HLCS: variants seen among roughly 807,000 people sequenced by gnomAD.
HLCS encodes the protein holocarboxylase synthetase.
HLCS carries 53 observed loss-of-function variants against 75.0 expected under a neutral mutation model. The observed-to-expected ratio is 0.71, with a 90% CI of 0.57 to 0.89. The LOEUF (loss-of-function observed/expected upper bound fraction) is 0.89, where lower values mean the gene tolerates loss of function less well. HLCS is among the 40% of genes least tolerant of loss of function. The pLI, the probability that HLCS is intolerant of heterozygous loss-of-function variation, is 0.00. For synonymous variants in HLCS, 431 were observed against 428.6 expected (o/e 1.01, Z -0.07); for missense variants, 966 against 1,074.0 (o/e 0.90, Z 1.41).
In HLCS at chr21:36,946,070, G is replaced by A. The variant is rs541806392; in HGVS notation, c.331-7076C>T. The stretch of plus-strand genomic sequence containing the variant: ...CATAAAGTGCCTGGGCCACAAGGGT[G>A]CTCTTATGGTTCCAAAATATAAAGT... On this transcript the variant is annotated intron_variant, in intron 2 of 10. Transcript: ENST00000674895. 251 of 977,286 alleles carry A rather than the reference G, an allele frequency of 2.6e-4. 1 individual carries two copies. Among genetic ancestry groups the A allele is most frequent in the Non-Finnish European group, 2.7e-4 (221 of 822,570 alleles). 60.5% of individuals were successfully genotyped at this position (977,286 alleles called of 1,614,324 possible).
At position 36,952,516 on chromosome 21, in the gene HLCS, G is replaced by A. The variant is rs113069177; in HGVS notation, c.330+9520C>T. Reference sequence around the variant, plus strand: ...AATTAAGAATTAAGTAACCACGGCCGAGCGCGGTGGCTCACGCCCGTAATC... The same window carrying A: ...AATTAAGAATTAAGTAACCACGGCCAAGCGCGGTGGCTCACGCCCGTAATC... On this transcript the variant is annotated intron_variant, in intron 2 of 10. Coordinates refer to ENST00000674895, the MANE Select transcript of HLCS (RefSeq NM_001352514.2). Among the ~76,000 whole-genome samples, 1,089 of 152,230 alleles carry A rather than the reference G, an allele frequency of 7.2e-3. 13 individuals carry two copies. The highest frequency in any genetic ancestry group is 0.025 in the African/African-American group (1,041 of 41,512).
intron 6 of HLCS, among the ~76,000 whole-genome samples, chr21:36,832,334 T>C (rs938674940): frequency 6.6e-6 from 1 of 152,132 alleles, no homozygotes; most frequent in African/African-American, 2.4e-5. Flanking sequence ...TCTCAGCAGG[T>C]GAAATTACAC....
In HLCS at chr21:36,793,129, T is replaced by C. The variant is rs569966024; in HGVS notation, c.1893-25844A>G. Among the ~76,000 whole-genome samples, 8 of 152,196 alleles carry C rather than the reference T, an allele frequency of 5.3e-5. No individual in the cohort carries two copies. In the South Asian group the frequency reaches 1.7e-3, roughly 32 times the overall value. On this transcript the variant is annotated intron_variant, in intron 6 of 10. Transcript: ENST00000674895. ...TGATTCGAGTTGTTGAGATCTTTAG[T>C]TTACATCAAATAATTCTTCTTTCTA...
At chr21:36,906,060 A>AAAG (rs1555936433) in intron 5 of HLCS, among the ~76,000 whole-genome samples, 2 of 151,556 alleles carry the variant, frequency 1.3e-5, no homozygotes, top group Non-Finnish European at 2.9e-5. Context: ...AAAAAAAAAA[A>AAAG]AAAACAAAAC....
intron 2 of HLCS, among the ~76,000 whole-genome samples, chr21:36,950,233 G>T (rs2067604912): frequency 6.6e-6 from 1 of 151,816 alleles, no homozygotes; most frequent in Non-Finnish European, 1.5e-5. Context: ...CAAATTCCTG[G>T]TTAACACATA....
In HLCS at chr21:36,937,017, G is replaced by C; in HGVS notation, c.869C>G (p.Ala290Gly). 6.2e-7 allele frequency: 1 copy of C among 1,614,108 alleles called. No individual in the cohort carries two copies. Among genetic ancestry groups the C allele is most frequent in the Non-Finnish European group, 8.5e-7 (1 of 1,180,010 alleles). The change falls in exon 4 of 11, where the codon GCT (alanine) becomes GGT (glycine). Residue 290 changes from alanine (A) to glycine (G), a missense_variant. By Grantham distance (60) the Ala-to-Gly change is moderately conservative (BLOSUM62 0). Coordinates refer to ENST00000674895, the MANE Select transcript of HLCS (RefSeq NM_001352514.2). ...TTCTCTTTCGGGGGAGGTCTCATCA[G>C]CAACACTCTCCAAACTGCTGCTATA... Reference protein sequence around the residue: ...YDYSSSLESVADETSPEREGR... With the variant: ...YDYSSSLESVGDETSPEREGR...
intron 2 of HLCS, among the ~76,000 whole-genome samples, chr21:36,949,964 C>T (rs1001768301): frequency 1.8e-4 from 27 of 152,162 alleles, no homozygotes; most frequent in African/African-American, 6.5e-4. Context: ...CTACATTCCC[C>T]ATCTGCACAA....
At chr21:36,808,989 G>A (rs375993908) in intron 6 of HLCS, among the ~76,000 whole-genome samples, 152 of 152,246 alleles carry the variant, frequency 1.0e-3, no homozygotes, top group African/African-American at 3.3e-3. Context: ...TGAGGCAAGC[G>A]GATCACTTGA....
At chr21:36,887,799 C>T (rs2064537204) in intron 6 of HLCS, among the ~76,000 whole-genome samples, 2 of 152,332 alleles carry the variant, frequency 1.3e-5, no homozygotes, top group African/African-American at 4.8e-5. Context: ...CACAATTACG[C>T]TAATATCCCA....
chr21:36,937,801 G>A (rs1024290765), intron 3 of HLCS, among the ~76,000 whole-genome samples: 1 of 152,208 alleles, frequency 6.6e-6, no homozygotes, highest in East Asian at 1.9e-4. Context: ...GCACGCCCCA[G>A]TGAAATGTCA....
At chr21:36,755,890 T>C (rs1239974221) in intron 10 of HLCS, among the ~76,000 whole-genome samples, 1 of 152,236 alleles carries the variant, frequency 6.6e-6, no homozygotes, top group Non-Finnish European at 1.5e-5. Context: ...GATCTCACTT[T>C]GAGAACCACT....
At chr21:36,893,361 C>T (rs1019352194) in intron 6 of HLCS, among the ~76,000 whole-genome samples, 4 of 152,232 alleles carry the variant, frequency 2.6e-5, no homozygotes, top group African/African-American at 9.6e-5. Flanking sequence ...TGTGAGCCAC[C>T]GCGCCTGGCC....
chr21:36,896,448 T>C (rs1221385977), intron 6 of HLCS: 1 of 269,812 alleles, frequency 3.7e-6, no homozygotes, highest in African/African-American at 2.2e-5. Flanking sequence ...ACAGCTTAGG[T>C]GTCATTCAAA....
chr21:36,983,462 C>T (rs1484893169), intron 1 of HLCS, among the ~76,000 whole-genome samples: 1 of 151,764 alleles, frequency 6.6e-6, no homozygotes, highest in Non-Finnish European at 1.5e-5. Context: ...CCGCCCACCT[C>T]GACCTCCCAA....
intron 6 of HLCS, among the ~76,000 whole-genome samples, chr21:36,879,158 T>TA (rs749120466): frequency 1 from 152,308 of 152,310 alleles, 76,153 homozygotes; most frequent in Middle Eastern, 1. Flanking sequence ...ATTATGAATA[T>TA]TCATGAAGTA....
At chr21:36,902,660 AAGG>A (rs2065285586) in intron 5 of HLCS, among the ~76,000 whole-genome samples, 1 of 152,184 alleles carries the variant, frequency 6.6e-6, no homozygotes, top group Non-Finnish European at 1.5e-5. Context: ...GAGAGAAAAG[AAGG>A]AAGGAGGTGT....
intron 1 of HLCS, among the ~76,000 whole-genome samples, chr21:36,986,331 G>A (rs59089170): frequency 0.26 from 39,053 of 152,148 alleles, 5,171 homozygotes; most frequent in South Asian, 0.35. Context: ...CAGGTATTCT[G>A]TTACGGAAGC....
intron 6 of HLCS, among the ~76,000 whole-genome samples, chr21:36,845,011 C>T (rs1264048804): frequency 6.6e-6 from 1 of 152,190 alleles, no homozygotes. Context: ...AAATCCACCA[C>T]TGCAGGTTTC....
intron 5 of HLCS, among the ~76,000 whole-genome samples, chr21:36,898,878 T>C (rs1259322934): frequency 6.6e-6 from 1 of 152,054 alleles, no homozygotes; most frequent in African/African-American, 2.4e-5. Context: ...CTGGGCAACA[T>C]GGTGAAACCC....
Sources: gnomAD v4.1 joint callset for allele counts (sites outside exome capture counted in the v4.1 genomes callset) on GRCh38, gnomAD v4.1.1 for gene constraint, MANE v1.5 for transcripts, NCBI Gene and HGNC (gene_info 2026-07-23, HGNC 2026-07-21) for gene names.